The following KIAA1328 variants were observed in gnomAD, a reference collection of about 807,000 sequenced individuals.
KIAA1328 encodes the protein protein hinderin.
KIAA1328 carries 52 observed loss-of-function variants against 68.1 expected under a neutral mutation model. That is an observed-to-expected ratio of 0.76 (90% CI 0.61 to 0.96). The LOEUF is 0.96. KIAA1328 is among the 40% of genes least tolerant of loss of function. KIAA1328 has a pLI of 0.00. For missense variants in KIAA1328, 641 were observed against 677.6 expected (o/e 0.95, Z 0.60); for synonymous variants, 232 against 239.4 (o/e 0.97, Z 0.28).
chr18:37,056,390 T>G (rs1406869731), intron 6 of KIAA1328, among the ~76,000 whole-genome samples: 3 of 152,134 alleles, frequency 2.0e-5, no homozygotes, highest in African/African-American at 7.2e-5. Context: ...AATCCTTCAT[T>G]GTATCCAAAC....
At position 36,857,973 on chromosome 18, in the gene KIAA1328, C is replaced by A. The variant is rs1411772195; in HGVS notation, c.332+13671C>A. Among the ~76,000 whole-genome samples, 7 of 152,136 alleles carry A rather than the reference C, an allele frequency of 4.6e-5. 1 individual carries two copies. In the Middle Eastern group the frequency reaches 0.014, roughly 296 times the overall value. On this transcript the variant is annotated intron_variant, in intron 4 of 9. Transcript: ENST00000280020. ...CTTTTGAAAATAATGTTTATTCTAT[C>A]ATTGTTTATAGTGGTCTATGGTTGC...
chr18:37,062,016 T>A (rs1168907989), intron 6 of KIAA1328, among the ~76,000 whole-genome samples: 2 of 152,216 alleles, frequency 1.3e-5, no homozygotes, highest in East Asian at 1.9e-4. Context: ...ACTAACTTTA[T>A]GTTAGATATG....
chr18:37,085,890 A>G lies in KIAA1328; in HGVS notation c.1232+18345A>G, dbSNP rs143069400. 2.0e-5 allele frequency among the ~76,000 whole-genome samples: 3 copies of G among 152,160 alleles called. No homozygotes were observed. The East Asian group carries it at 5.8e-4, about 29-fold the overall frequency. On this transcript the variant is annotated intron_variant, in intron 7 of 9. Transcript: ENST00000280020. Reference sequence around the variant, plus strand: ...TTCCTTCCTTCTGTCCTCTCAATATATCTATATCAAAATATTTATAAGATT... The same window carrying G: ...TTCCTTCCTTCTGTCCTCTCAATATGTCTATATCAAAATATTTATAAGATT...
intron 9 of KIAA1328, among the ~76,000 whole-genome samples, chr18:37,205,492 CAG>C (rs2060200299): frequency 6.6e-6 from 1 of 152,180 alleles, no homozygotes; most frequent in Non-Finnish European, 1.5e-5. Context: ...AGGGAGGGGA[CAG>C]AATGTTCCCA....
intron 6 of KIAA1328, among the ~76,000 whole-genome samples, chr18:36,965,066 T>C (rs2051861545): frequency 6.6e-6 from 1 of 152,224 alleles, no homozygotes; most frequent in South Asian, 2.1e-4. Context: ...TACTCCAGTT[T>C]GAAAATGTTG....
At chr18:37,063,336 G>A (rs1158229847) in intron 6 of KIAA1328, among the ~76,000 whole-genome samples, 2 of 152,122 alleles carry the variant, frequency 1.3e-5, no homozygotes, top group Non-Finnish European at 2.9e-5. Context: ...ATGTGGGGTG[G>A]GGGATGAGGG....
intron 5 of KIAA1328, among the ~76,000 whole-genome samples, chr18:36,897,592 G>A (rs910429383): frequency 1.3e-5 from 2 of 152,014 alleles, no homozygotes; most frequent in South Asian, 4.1e-4. Context: ...AATAAGGACA[G>A]CCTATGATAT....
In KIAA1328 at chr18:36,913,521, C is replaced by CT. The variant is rs1556818966; in HGVS notation, c.448+27849_448+27850insT. Reference sequence around the variant, plus strand: ...ACACACACACACACACACACACACACACTTAGAGGAAAGCAACTGCCTACA... The same window carrying CT: ...ACACACACACACACACACACACACACTACTTAGAGGAAAGCAACTGCCTACA... On this transcript the variant is annotated intron_variant, in intron 5 of 9. Transcript: ENST00000280020. 9.6e-3 allele frequency among the ~76,000 whole-genome samples: 897 copies of CT among 92,960 alleles called. 16 individuals carry two copies. Among genetic ancestry groups the CT allele is most frequent in the Admixed American group, 0.015 (122 of 8,110 alleles). The allele number at this position is 92,960 out of a possible 152,430, so 61.0% of individuals were successfully genotyped here. A position where few individuals can be genotyped will look rare whatever the true frequency, so the allele number is the denominator to read the frequency against.
chr18:36,906,257 AACAAAT>A (rs1023436744), intron 5 of KIAA1328, among the ~76,000 whole-genome samples: 34 of 152,304 alleles, frequency 2.2e-4, no homozygotes, highest in African/African-American at 7.7e-4. Flanking sequence ...ATTGTGTTTT[AACAAAT>A]ACAAAGTGTT....
Position 36,857,505 on chromosome 18 carries a change from C to T in KIAA1328, c.332+13203C>T, listed in dbSNP as rs572462320. ...GTCCCATTAGTACCAGCAAGCCTCA[C>T]CAAGATTGAGCCATCATCCTGGCGG... On this transcript the variant is annotated intron_variant, in intron 4 of 9. Transcript: ENST00000280020. Among the ~76,000 whole-genome samples the T allele has an allele frequency of 9.2e-5, 14 of 152,338 alleles. 1 individual carries two copies. The South Asian group carries it at 2.9e-3, about 32-fold the overall frequency.
chr18:36,962,016 T>C (rs1352063914), intron 6 of KIAA1328, among the ~76,000 whole-genome samples: 1 of 152,214 alleles, frequency 6.6e-6, no homozygotes, highest in African/African-American at 2.4e-5. Context: ...AGACACAGAC[T>C]GGCAAATTGG....
chr18:36,861,092 C>G (rs2047551189), intron 4 of KIAA1328, among the ~76,000 whole-genome samples: 1 of 152,052 alleles, frequency 6.6e-6, no homozygotes, highest in South Asian at 2.1e-4. Flanking sequence ...CTTTTCTGTT[C>G]TAGTATCCTG....
chr18:36,834,955 G>A lies in KIAA1328; in HGVS notation c.95-279G>A, dbSNP rs575461635. On this transcript the variant is annotated intron_variant, in intron 2 of 9. Transcript: ENST00000280020. ...AGGCTGAGGTGGGAGGATTGCTTGA[G>A]CCCAGGAGTTCAAGTCCAGCCTGGA... Among the ~76,000 whole-genome samples the A allele has an allele frequency of 3.3e-5, 5 of 152,210 alleles. No individual in the cohort carries two copies. The South Asian group carries it at 1.0e-3, about 32-fold the overall frequency.
At chr18:37,066,132 T>G (rs537810852) in intron 6 of KIAA1328, among the ~76,000 whole-genome samples, 1 of 152,232 alleles carries the variant, frequency 6.6e-6, no homozygotes, top group East Asian at 1.9e-4. Context: ...TTGAGAATCA[T>G]TGATACAGAT....
chr18:37,101,872 TAAAG>T (rs1353743811), intron 7 of KIAA1328, among the ~76,000 whole-genome samples: 2 of 152,124 alleles, frequency 1.3e-5, no homozygotes, highest in Non-Finnish European at 2.9e-5. Flanking sequence ...TCAACATTCT[TAAAG>T]AAAGAATTTT....
chr18:36,909,945 C>G (rs1206084058), intron 5 of KIAA1328, among the ~76,000 whole-genome samples: 1 of 152,132 alleles, frequency 6.6e-6, no homozygotes, highest in Non-Finnish European at 1.5e-5. Flanking sequence ...TGAGAAGTGT[C>G]TGTTCATATC....
intron 6 of KIAA1328, among the ~76,000 whole-genome samples, chr18:36,980,116 T>C (rs960144766): frequency 6.6e-6 from 1 of 152,160 alleles, no homozygotes; most frequent in Non-Finnish European, 1.5e-5. Flanking sequence ...GAGCAGCCCT[T>C]ACTGAAAACT....
chr18:37,206,112 A>G (rs1353014108), intron 9 of KIAA1328, among the ~76,000 whole-genome samples: 1 of 152,130 alleles, frequency 6.6e-6, no homozygotes, highest in Non-Finnish European at 1.5e-5. Context: ...CTTTTGAGAG[A>G]AGGAAATGTA....
At chr18:37,148,121 C>A (rs910209582) in intron 7 of KIAA1328, among the ~76,000 whole-genome samples, 3 of 152,000 alleles carry the variant, frequency 2.0e-5, no homozygotes, top group Non-Finnish European at 4.4e-5. Flanking sequence ...CTAATGCTCT[C>A]CCTCCCCCCA....
Sources: allele counts gnomAD v4.1 joint callset (sites outside exome capture counted in the v4.1 genomes callset), GRCh38; gene constraint gnomAD v4.1.1; transcripts MANE v1.5; gene names NCBI Gene and HGNC (gene_info 2026-07-23, HGNC 2026-07-21).